Variants in RARA observed in about 807,000 individuals in gnomAD.
The protein encoded by RARA is PML-DDX5-RARA fusion.
In RARA, 5 loss-of-function variants were observed where a neutral mutation model predicts 42.8. The observed-to-expected ratio is 0.12, with a 90% CI of 0.06 to 0.25. The LOEUF (loss-of-function observed/expected upper bound fraction) is 0.25. Among genes scored for constraint, RARA ranks in the 10% least tolerant of loss-of-function variants. The pLI is 1.00. For missense variants in RARA, 402 were observed against 628.7 expected (o/e 0.64, Z 3.86); for synonymous variants, 256 against 259.5 (o/e 0.99, Z 0.13).
intron 1 of RARA, among the ~76,000 whole-genome samples, chr17:40,319,470 T>C (rs2033307602): frequency 6.6e-6 from 1 of 152,164 alleles, no homozygotes; most frequent in African/African-American, 2.4e-5. Context: ...GATGGCTGTG[T>C]GCACATATGT....
intron 2 of RARA, among the ~76,000 whole-genome samples, chr17:40,338,448 C>G (rs1293922712): frequency 1.3e-5 from 2 of 152,134 alleles, no homozygotes; most frequent in Non-Finnish European, 2.9e-5. Flanking sequence ...AGCCCACAGA[C>G]CAAGGGCCTT....
At chr17:40,337,497 A>G (rs1402664874) in intron 2 of RARA, among the ~76,000 whole-genome samples, 2 of 152,170 alleles carry the variant, frequency 1.3e-5, no homozygotes, top group African/African-American at 4.8e-5. Flanking sequence ...CAATCTGTTC[A>G]CACCATCCCC....
At chr17:40,310,166 A>G (rs954332050) in intron 1 of RARA, among the ~76,000 whole-genome samples, 6 of 152,080 alleles carry the variant, frequency 3.9e-5, no homozygotes, top group African/African-American at 1.4e-4. Context: ...GTTTCTCTAG[A>G]GCTACAAGGT....
Position 40,320,084 on chromosome 17 carries a change from G to A in RARA, c.-362-10773G>A, listed in dbSNP as rs570759077. Among the ~76,000 whole-genome samples the A allele has an allele frequency of 1.3e-4, 20 of 152,212 alleles. No homozygotes were observed. The East Asian group carries it at 3.5e-3, about 26-fold the overall frequency. On this transcript the variant is annotated intron_variant, in intron 1 of 8. Coordinates refer to ENST00000254066, the MANE Select transcript of RARA (RefSeq NM_000964.4). This position sits in a 1 kb window ranked among gnomAD's most constrained non-coding sequence, Gnocchi z 4.1. ...GGAGCTGAGGATCTTGGATTTGCAA[G>A]GATTTTGAGGGTGTGATTGAGTGTA...
intron 2 of RARA, chr17:40,342,871 C>G (rs367850336): frequency 2.5e-6 from 4 of 1,609,272 alleles, no homozygotes; most frequent in South Asian, 2.2e-5. Context: ...AACCACTGTA[C>G]GTACCGGCCT....
At chr17:40,349,720 C>T in intron 3 of RARA, 64 bp from the exon 4 acceptor site, 1 of 1,594,700 alleles carries the variant, frequency 6.3e-7, no homozygotes, top group East Asian at 2.2e-5. Flanking sequence ...TAGACTGAGA[C>T]CGTAGCCAGG....
At chr17:40,315,661 C>T (rs1011115317) in intron 1 of RARA, among the ~76,000 whole-genome samples, 2 of 152,120 alleles carry the variant, frequency 1.3e-5, no homozygotes, top group South Asian at 2.1e-4. Context: ...CAGGAGTTTC[C>T]ACAGGCTGTG....
chr17:40,311,543 A>T (rs978604648), intron 1 of RARA, among the ~76,000 whole-genome samples: 2 of 152,032 alleles, frequency 1.3e-5, no homozygotes, highest in African/African-American at 4.8e-5. Flanking sequence ...CTTGTTCAGA[A>T]ATGTTTCACT....
chr17:40,327,084 G>A (rs1280699918), intron 1 of RARA, among the ~76,000 whole-genome samples: 1 of 152,126 alleles, frequency 6.6e-6, no homozygotes, highest in Non-Finnish European at 1.5e-5. Flanking sequence ...AGGCCTTCCA[G>A]CCTTGCCCTG....
In RARA at chr17:40,330,235, G is replaced by A. The variant is rs750345535; in HGVS notation, c.-362-622G>A. Among the ~76,000 whole-genome samples, 3 of 152,056 alleles carry A rather than the reference G, an allele frequency of 2.0e-5. No individual in the cohort carries two copies. The East Asian group carries it at 5.8e-4, about 29-fold the overall frequency. ...GGCGGTCCTTGCCCTCCTACACATCGCCTACCCCTGGACCATCCATGCTGT... is the reference window on the plus strand; with the variant it reads ...GGCGGTCCTTGCCCTCCTACACATCACCTACCCCTGGACCATCCATGCTGT... On this transcript the variant is annotated intron_variant, in intron 1 of 8. Coordinates refer to ENST00000254066, the MANE Select transcript of RARA (RefSeq NM_000964.4).
chr17:40,341,493 G>T (rs1361016053), intron 2 of RARA: 2 of 1,498,090 alleles, frequency 1.3e-6, no homozygotes, highest in South Asian at 2.5e-5. Context: ...CGCGCGACCC[G>T]GCCCTACGCC....
Position 40,352,631 on chromosome 17 carries a change from A to C in RARA, c.807+124A>C. The C allele has an allele frequency of 1.1e-6, 1 of 921,642 alleles. No individual in the cohort carries two copies. The highest frequency in any genetic ancestry group is 1.5e-6 in the Non-Finnish European group (1 of 646,526). 57.1% of individuals were successfully genotyped at this position (921,642 alleles called of 1,614,324 possible). A position where few individuals can be genotyped will look rare whatever the true frequency, so the allele number is the denominator to read the frequency against. On this transcript the variant is annotated intron_variant, in intron 6 of 8. Coordinates refer to ENST00000254066, the MANE Select transcript of RARA (RefSeq NM_000964.4). The surrounding 1 kb of genome is among the most constrained non-coding windows in gnomAD (Gnocchi z 4.9). Reference sequence around the variant, plus strand: ...AACCTGTCCAAATGCCCACCGCCCAAATGTCTGCCCTTCCTCTCCCCATAT... The same window carrying C: ...AACCTGTCCAAATGCCCACCGCCCACATGTCTGCCCTTCCTCTCCCCATAT...
At chr17:40,322,239 G>GT (rs2033410851) in intron 1 of RARA, among the ~76,000 whole-genome samples, 1 of 151,940 alleles carries the variant, frequency 6.6e-6, no homozygotes, top group African/African-American at 2.4e-5. Context: ...CCTTGGAGCA[G>GT]TGAGGGGGAT....
intron 2 of RARA, among the ~76,000 whole-genome samples, chr17:40,346,341 C>T (rs1262290510): frequency 6.6e-6 from 1 of 151,998 alleles, no homozygotes; most frequent in Non-Finnish European, 1.5e-5. Flanking sequence ...TTCTCCCTCT[C>T]CAGTCTGGTT....
chr17:40,334,121 G>C (rs867256148), intron 2 of RARA, among the ~76,000 whole-genome samples: 46 of 152,354 alleles, frequency 3.0e-4, no homozygotes, highest in African/African-American at 9.9e-4. Context: ...CCTGGCCAGA[G>C]GGAGCAAATG....
In RARA at chr17:40,357,015, A is replaced by G; in HGVS notation, c.*789A>G. 1 of 388,424 alleles carries G rather than the reference A, an allele frequency of 2.6e-6. No individual in the cohort carries two copies. The highest frequency in any genetic ancestry group is 4.8e-6 in the Non-Finnish European group (1 of 209,416). 24.1% of individuals were successfully genotyped at this position (388,424 alleles called of 1,614,324 possible). A position where few individuals can be genotyped will look rare whatever the true frequency, so the allele number is the denominator to read the frequency against. On this transcript the variant is annotated 3_prime_UTR_variant, in exon 9 of 9. Coordinates refer to ENST00000254066, the MANE Select transcript of RARA (RefSeq NM_000964.4). ...CCTGCCTTCCCCTCCCTCCCACTGGAGAAGCCGCCAGCCCCTTTCTCCCTC... is the reference window on the plus strand; with the variant it reads ...CCTGCCTTCCCCTCCCTCCCACTGGGGAAGCCGCCAGCCCCTTTCTCCCTC...
intron 2 of RARA, among the ~76,000 whole-genome samples, chr17:40,333,642 CT>C (rs879495055): frequency 8.5e-4 from 120 of 141,328 alleles, no homozygotes; most frequent in African/African-American, 6.2e-4. Context: ...GGCTTTCTTT[CT>C]TTTTTTTTTT....
Position 40,352,263 on chromosome 17 carries a change from G to C in RARA, c.631-68G>C, listed in dbSNP as rs975899556. 494 of 1,536,466 alleles carry C rather than the reference G, an allele frequency of 3.2e-4. No individual in the cohort carries two copies. The highest frequency in any genetic ancestry group is 4.0e-4 in the Non-Finnish European group (461 of 1,141,336). ...AAGGCTGGGTAGAGGGCAGGCCTGT[G>C]GGGGCTGGAGCCAGGCTGAGAAGGG... On this transcript the variant is annotated intron_variant, in intron 5 of 8. Coordinates refer to ENST00000254066, the MANE Select transcript of RARA (RefSeq NM_000964.4). This position sits in a 1 kb window ranked among gnomAD's most constrained non-coding sequence, Gnocchi z 4.9.
intron 1 of RARA, among the ~76,000 whole-genome samples, chr17:40,327,912 C>T (rs764334235): frequency 1.3e-5 from 2 of 152,186 alleles, no homozygotes; most frequent in Admixed American, 6.5e-5. Context: ...TGGGTGGGGC[C>T]CCTGTTCCTC....
Sources: allele counts gnomAD v4.1 joint callset (sites outside exome capture counted in the v4.1 genomes callset), GRCh38; gene constraint gnomAD v4.1.1; non-coding constraint Gnocchi (gnomAD v3.1); transcripts MANE v1.5; gene names NCBI Gene and HGNC (gene_info 2026-07-23, HGNC 2026-07-21).